Variants in ATXN1 observed in about 807,000 individuals in gnomAD.
ATXN1 encodes ataxin-1.
Under a neutral mutation model 56.4 loss-of-function variants are expected in ATXN1, and 8 were observed. The ratio of observed to expected loss-of-function variants is 0.14; its 90% CI spans 0.08 to 0.26. The LOEUF is 0.26. ATXN1 is among the 10% of genes least tolerant of loss of function. The pLI is 1.00. For missense variants in ATXN1, 987 were observed against 1,106.5 expected, an observed-to-expected ratio of 0.89 and a Z score of 1.53; for synonymous variants, 514 against 494.6, an observed-to-expected ratio of 1.04 and a Z score of -0.52.
At chr6:16,437,923 GGT>G (rs1312488207) in intron 6 of ATXN1, among the ~76,000 whole-genome samples, 1 of 152,146 alleles carries the variant, frequency 6.6e-6, no homozygotes, top group East Asian at 1.9e-4. Context: ...GGCTACTATG[GGT>G]GTTCAAGAAG....
intron 3 of ATXN1, chr6:16,615,542 A>G (rs1195529555): frequency 6.8e-6 from 1 of 146,096 alleles, no homozygotes; most frequent in East Asian, 2.0e-4. Context: ...CATGATACAT[A>G]CATCCTGAAA....
intron 6 of ATXN1, among the ~76,000 whole-genome samples, chr6:16,431,254 A>G (rs1759278338): frequency 6.6e-6 from 1 of 152,206 alleles, no homozygotes; most frequent in Admixed American, 6.5e-5. Flanking sequence ...AGAGCAGACT[A>G]AAAAATATAC....
At chr6:16,395,679 A>G (rs1249785637) in intron 6 of ATXN1, among the ~76,000 whole-genome samples, 1 of 152,196 alleles carries the variant, frequency 6.6e-6, no homozygotes, top group Non-Finnish European at 1.5e-5. Context: ...TTACGATACT[A>G]TACTTTTTAT....
At chr6:16,473,535 A>G (rs1397483387) in intron 6 of ATXN1, among the ~76,000 whole-genome samples, 1 of 152,204 alleles carries the variant, frequency 6.6e-6, no homozygotes, top group African/African-American at 2.4e-5. Flanking sequence ...GTCAAAGGGA[A>G]AAACATGTTG....
Position 16,306,404 on chromosome 6 carries a change from C to G in ATXN1, c.2373G>C (p.Leu791Phe), listed in dbSNP as rs373423517. ...GAATTAGAGAAGGCTTAGGAAGAGT[C>G]AAAGGTGGTTCGTCTTCTGACTTCT... ...KLEKSEDEPP[L>F]TLPKPSLIPQ... The change falls in exon 8 of 8, where the codon TTG becomes TTC. Residue 791 changes from leucine to phenylalanine, a missense_variant. Transcript: ENST00000436367. This position sits in a 1 kb window ranked among gnomAD's most constrained non-coding sequence, Gnocchi z 5.2. 6.2e-7 allele frequency: 1 copy of G among 1,614,112 alleles called. No homozygotes were observed. Among genetic ancestry groups the G allele is most frequent in the Non-Finnish European group, 8.5e-7 (1 of 1,180,040 alleles).
intron 4 of ATXN1, among the ~76,000 whole-genome samples, chr6:16,583,377 C>T (rs932715894): frequency 2.6e-5 from 4 of 152,180 alleles, no homozygotes; most frequent in African/African-American, 7.2e-5. Context: ...TTCAACGTTA[C>T]GATGGAGCCA....
intron 4 of ATXN1, among the ~76,000 whole-genome samples, chr6:16,554,027 G>C (rs1383194372): frequency 2.0e-5 from 3 of 152,306 alleles, no homozygotes; most frequent in Middle Eastern, 6.8e-3. Flanking sequence ...TTCATGGAGT[G>C]CTAGGCTAGC....
intron 6 of ATXN1, among the ~76,000 whole-genome samples, chr6:16,456,279 C>G (rs559795013): frequency 6.6e-6 from 1 of 152,156 alleles, no homozygotes; most frequent in African/African-American, 2.4e-5. Context: ...GATATTGCAA[C>G]GTGGTGAGTA....
chr6:16,451,028 C>G (rs1759742529), intron 6 of ATXN1, among the ~76,000 whole-genome samples: 1 of 152,236 alleles, frequency 6.6e-6, no homozygotes. Flanking sequence ...TTGAGAATTA[C>G]TAATCATGAA....
chr6:16,379,053 A>G (rs1414716999), intron 6 of ATXN1, among the ~76,000 whole-genome samples: 1 of 152,248 alleles, frequency 6.6e-6, no homozygotes, highest in African/African-American at 2.4e-5. Context: ...ACTGTGGTAC[A>G]TATATATGAT....
At chr6:16,596,490 TTAAAACACAGCCATTCTCCACAACTA>T (rs1762817778) in intron 3 of ATXN1, among the ~76,000 whole-genome samples, 1 of 152,156 alleles carries the variant, frequency 6.6e-6, no homozygotes, top group South Asian at 2.1e-4. Flanking sequence ...AAAGATCCCA[TTAAAACACAGCCATTCTCCACAACTA>T]CAAAAATCTT....
intron 6 of ATXN1, among the ~76,000 whole-genome samples, chr6:16,338,004 C>A (rs1208581213): frequency 1.3e-5 from 2 of 152,160 alleles, no homozygotes; most frequent in African/African-American, 4.8e-5. Flanking sequence ...GCATTCACAT[C>A]CACTGTCCTA....
chr6:16,307,377 G>T (rs1410309255), intron 7 of ATXN1, among the ~76,000 whole-genome samples: 1 of 152,152 alleles, frequency 6.6e-6, no homozygotes, highest in African/African-American at 2.4e-5. Flanking sequence ...CCCCTAAAAG[G>T]ATGCTTGGTG....
intron 6 of ATXN1, among the ~76,000 whole-genome samples, chr6:16,469,567 C>A (rs1709045577): frequency 6.6e-6 from 1 of 152,174 alleles, no homozygotes. Context: ...TCAAATAACA[C>A]TACTAGGCAG....
chr6:16,669,681 T>A (rs1758499890), intron 2 of ATXN1, among the ~76,000 whole-genome samples: 2 of 151,266 alleles, frequency 1.3e-5, no homozygotes, highest in Admixed American at 1.3e-4. Context: ...TTTTTTTTTT[T>A]TTTTTTTTAC....
At chr6:16,673,182 A>AGT (rs71821274) in intron 2 of ATXN1, among the ~76,000 whole-genome samples, 2 of 151,260 alleles carry the variant, frequency 1.3e-5, no homozygotes, top group African/African-American at 2.4e-5. Context: ...AGATAAAAAC[A>AGT]GTTGCTTTAA....
In ATXN1 at chr6:16,328,047, G is replaced by C; in HGVS notation, c.264C>G (p.Ser88=). The change falls in exon 7 of 8, where the codon TCC becomes TCG. Residue 88 remains serine, a synonymous_variant. Transcript: ENST00000436367. The surrounding 1 kb of genome is among the most constrained non-coding windows in gnomAD (Gnocchi z 6.2). ...GGACAGACCTGGGAGCGCTGGGCGG[G>C]GAGTAGTCCAGCCCTGTGGACAATG... ...HKALSTGLDY[S]PPSAPRSVPV... is the part of the protein sequence containing the mutation. 1 of 1,613,692 alleles carries C rather than the reference G, an allele frequency of 6.2e-7. No homozygotes were observed. Among genetic ancestry groups the C allele is most frequent in the Non-Finnish European group, 8.5e-7 (1 of 1,179,718 alleles).
At chr6:16,736,135 G>A (rs1382560259) in intron 2 of ATXN1, among the ~76,000 whole-genome samples, 1 of 152,180 alleles carries the variant, frequency 6.6e-6, no homozygotes, top group Non-Finnish European at 1.5e-5. Context: ...CATTAATAAT[G>A]AAATGTATTC....
At chr6:16,369,031 C>A (rs1761984554) in intron 6 of ATXN1, among the ~76,000 whole-genome samples, 1 of 152,188 alleles carries the variant, frequency 6.6e-6, no homozygotes. Flanking sequence ...TGACAAAACT[C>A]ACTTATTAAA....
Sources: gnomAD v4.1 joint callset for allele counts (sites outside exome capture counted in the v4.1 genomes callset) on GRCh38, gnomAD v4.1.1 for gene constraint, Gnocchi (gnomAD v3.1) non-coding constraint, MANE v1.5 for transcripts, NCBI Gene and HGNC (gene_info 2026-07-23, HGNC 2026-07-21) for gene names.